DNAI2: variants seen among roughly 807,000 people sequenced by gnomAD.
DNAI2 encodes the protein dynein axonemal intermediate chain 2.
DNAI2 carries 63 observed loss-of-function variants against 74.7 expected under a neutral mutation model. The observed-to-expected ratio is 0.84, with a 90% confidence interval of 0.69 to 1.04. The LOEUF (loss-of-function observed/expected upper bound fraction) is 1.04, where lower values mean the gene tolerates loss of function less well. Among genes scored for constraint, DNAI2 ranks in the 50% least tolerant of loss-of-function variants. The pLI is 0.00. For missense variants in DNAI2, 688 were observed against 803.2 expected (o/e 0.86, Z 1.73); for synonymous variants, 289 against 314.9 (o/e 0.92, Z 0.87).
chr17:74,287,692 C>T (rs916510118), intron 4 of DNAI2, among the ~76,000 whole-genome samples: 16 of 152,200 alleles, frequency 1.1e-4, no homozygotes, highest in African/African-American at 2.7e-4. Flanking sequence ...TGGTGGCTCA[C>T]GCCTGTAATC....
chr17:74,314,427 G>C (rs2053711280), intron 13 of DNAI2, among the ~76,000 whole-genome samples, 156 bp downstream of exon 13: 1 of 152,186 alleles, frequency 6.6e-6, no homozygotes, highest in Non-Finnish European at 1.5e-5. Flanking sequence ...CCCTTGGAGA[G>C]AGGGAAGGGG....
intron 6 of DNAI2, among the ~76,000 whole-genome samples, chr17:74,295,950 C>T (rs28882071): frequency 0.082 from 12,451 of 152,148 alleles, 1,247 homozygotes; most frequent in African/African-American, 0.24. Context: ...CATGCCTTTA[C>T]ACTCAGCCAG....
chr17:74,314,537 A>G (rs1049892845), intron 13 of DNAI2, 52 bp from the exon 14 acceptor site: 3 of 360,298 alleles, frequency 8.3e-6, no homozygotes, highest in African/African-American at 6.3e-5. Flanking sequence ...GTCTCCTGGG[A>G]TTCAGCTTCT....
At chr17:74,284,126 G>A (rs1205048607) in intron 2 of DNAI2, among the ~76,000 whole-genome samples, 5 of 122,388 alleles carry the variant, frequency 4.1e-5, no homozygotes, top group Non-Finnish European at 4.9e-5. Flanking sequence ...CAACAAGAGC[G>A]AAACTCCTTT....
At chr17:74,283,052 G>T (rs202220110) in intron 2 of DNAI2, among the ~76,000 whole-genome samples, 2 of 151,838 alleles carry the variant, frequency 1.3e-5, no homozygotes, top group East Asian at 3.9e-4. Context: ...TTCCAGACTT[G>T]TTTTGTTTTG....
intron 6 of DNAI2, among the ~76,000 whole-genome samples, chr17:74,298,686 T>C (rs2052587539): frequency 1.3e-5 from 2 of 152,112 alleles, no homozygotes; most frequent in African/African-American, 4.8e-5. Flanking sequence ...CACTGCAGCC[T>C]CAACCTCCCA....
chr17:74,284,854 T>C (rs1246547249), intron 2 of DNAI2, among the ~76,000 whole-genome samples, 186 bp from the exon 3 acceptor site: 2 of 152,216 alleles, frequency 1.3e-5, no homozygotes, highest in Non-Finnish European at 2.9e-5. Context: ...GGTTGCGCTG[T>C]TGCAGCTACC....
intron 7 of DNAI2, 26 bp downstream of exon 7, chr17:74,299,883 G>A: frequency 2.5e-6 from 4 of 1,612,966 alleles, no homozygotes; most frequent in East Asian, 4.5e-5. Flanking sequence ...ACACTGGAGA[G>A]AGGAGGGAAG....
intron 8 of DNAI2, among the ~76,000 whole-genome samples, chr17:74,302,772 G>A (rs776419137): frequency 6.6e-6 from 1 of 152,194 alleles, no homozygotes; most frequent in African/African-American, 2.4e-5. Context: ...CCCCTTGGGG[G>A]TGTCACTTGT....
intron 12 of DNAI2, among the ~76,000 whole-genome samples, chr17:74,312,740 G>A (rs1218213479): frequency 6.6e-6 from 1 of 152,208 alleles, no homozygotes; most frequent in Non-Finnish European, 1.5e-5. Flanking sequence ...TGTATCACCT[G>A]AGCTGGTCGC....
chr17:74,277,964 G>A lies in DNAI2; in HGVS notation c.-12+3619G>A, dbSNP rs533770272. Among the ~76,000 whole-genome samples, 3 of 152,366 alleles carry A rather than the reference G, an allele frequency of 2.0e-5. No individual in the cohort carries two copies. In the Middle Eastern group the frequency reaches 0.01, roughly 518 times the overall value. ...GCATATACTGATGAGAGATTCTGAT[G>A]TAGTTGTTCTGGGGTTCAAACAGCA... On this transcript the variant is annotated intron_variant, in intron 1 of 13. Coordinates refer to ENST00000311014, the MANE Select transcript of DNAI2 (RefSeq NM_023036.6).
Position 74,299,769 on chromosome 17 carries a change from A to C in DNAI2, c.776A>C (p.Glu259Ala). The C allele has an allele frequency of 6.2e-7, 1 of 1,613,142 alleles. No individual in the cohort carries two copies. Among genetic ancestry groups the C allele is most frequent in the Non-Finnish European group, 8.5e-7 (1 of 1,179,924 alleles). ...CTGGTGGCGGAGCTATCCACCATTG[A>C]GTCCAGCCACCGAGACCCTGTGTAT... Reference protein sequence around the residue: ...GSLVAELSTIESSHRDPVYGT... With the variant: ...GSLVAELSTIASSHRDPVYGT... Residue 259 changes from glutamate to alanine, a missense_variant, in exon 7 of 14, where the codon GAG (glutamate) becomes GCG (alanine). By Grantham distance (107) the Glu-to-Ala change is moderately radical. Transcript: ENST00000311014.
rs762021521 is a variant in DNAI2, at chr17:74,301,142, A to G, written c.961A>G (p.Ile321Val). ...ACAGTTGGAAAATGCCTTGGGGGCC[A>G]TCTCCCTGGAGTTCGAATCTACTTT... ...KEQLENALGA[I>V]SLEFESTLPT... Residue 321 changes from isoleucine (I) to valine (V), a missense_variant, in exon 8 of 14, where the codon ATC becomes GTC. Transcript: ENST00000311014. 6.2e-6 allele frequency: 10 copies of G among 1,613,836 alleles called. No homozygotes were observed. In the East Asian group the frequency reaches 2.0e-4, roughly 32 times the overall value.
intron 1 of DNAI2, among the ~76,000 whole-genome samples, chr17:74,277,878 T>C (rs1369044732): frequency 6.6e-6 from 1 of 152,248 alleles, no homozygotes; most frequent in Non-Finnish European, 1.5e-5. Flanking sequence ...TCCCTCACTT[T>C]AAATCAATGG....
chr17:74,288,234 A>T (rs1024388085), intron 4 of DNAI2, among the ~76,000 whole-genome samples: 1 of 152,186 alleles, frequency 6.6e-6, no homozygotes, highest in African/African-American at 2.4e-5. Flanking sequence ...TCACCTCTTT[A>T]TTATAAAATA....
At chr17:74,302,159 C>T (rs796488965) in intron 8 of DNAI2, among the ~76,000 whole-genome samples, 8 of 148,534 alleles carry the variant, frequency 5.4e-5, no homozygotes, top group East Asian at 2.0e-4. Context: ...GGCAAGGCGC[C>T]GTGGCTCACA....
intron 6 of DNAI2, among the ~76,000 whole-genome samples, chr17:74,296,325 G>A (rs1460018418): frequency 1.3e-5 from 1 of 74,844 alleles, no homozygotes; most frequent in East Asian, 2.1e-4. Context: ...GAGAGAGAGA[G>A]AGAGAGAGGA....
Position 74,281,975 on chromosome 17 carries a change from G to A in DNAI2, c.158G>A (p.Cys53Tyr). ...ERNPVDTGIQ[C>Y]SISMSEHEAN... ...AACCCAGTGGACACGGGCATCCAGTGCTCGATCAGCATGTCGGAACACGAG... is the reference window on the plus strand; with the variant it reads ...AACCCAGTGGACACGGGCATCCAGTACTCGATCAGCATGTCGGAACACGAG... Residue 53 changes from cysteine to tyrosine, a missense_variant, in exon 2 of 14, where the codon TGC becomes TAC. Coordinates refer to ENST00000311014, the MANE Select transcript of DNAI2 (RefSeq NM_023036.6). The A allele has an allele frequency of 1.2e-6, 2 of 1,614,116 alleles. No homozygotes were observed. The highest frequency in any genetic ancestry group is 8.5e-7 in the Non-Finnish European group (1 of 1,180,030).
At chr17:74,291,219 G>C in intron 6 of DNAI2, 86 bp downstream of exon 6, 1 of 1,196,784 alleles carries the variant, frequency 8.4e-7, no homozygotes, top group East Asian at 2.5e-5. Flanking sequence ...GGAGTGTAGT[G>C]GTGCAATTTT....
Sources: gnomAD v4.1 joint callset for allele counts (sites outside exome capture counted in the v4.1 genomes callset) on GRCh38, gnomAD v4.1.1 for gene constraint, MANE v1.5 for transcripts, NCBI Gene and HGNC (gene_info 2026-07-23, HGNC 2026-07-21) for gene names.